Variants in NEK4 observed in about 807,000 individuals in gnomAD.
NEK4 encodes NIMA related kinase 4, also known as serine/threonine-protein kinase Nek4.
NEK4 carries 86 observed loss-of-function variants against 98.4 expected under a neutral mutation model. That is an observed-to-expected ratio of 0.87 (90% CI 0.73 to 1.05). The LOEUF is 1.05. Among genes scored for constraint, NEK4 ranks in the 50% least tolerant of loss-of-function variants. The probability of loss-of-function intolerance (pLI) is 0.00; values close to 1 mark genes in which losing one functional copy is unlikely to be tolerated. For synonymous variants in NEK4, 328 were observed against 342.2 expected (o/e 0.96, Z 0.46); for missense variants, 898 against 950.3 (o/e 0.94, Z 0.72).
chr3:52,766,482 G>T (rs562652257), intron 2 of NEK4, 107 bp from the exon 3 acceptor site: 2 of 747,972 alleles, frequency 2.7e-6, no homozygotes, highest in Admixed American at 2.4e-5. Flanking sequence ...GTCTTTGACC[G>T]TAAAGAGTAA....
chr3:52,755,973 T>C (rs1343524444), intron 6 of NEK4, among the ~76,000 whole-genome samples: 2 of 152,082 alleles, frequency 1.3e-5, no homozygotes, highest in Non-Finnish European at 2.9e-5. Flanking sequence ...AATTAGGAAT[T>C]AACCAAAAGG....
At position 52,710,402 on chromosome 3, in the gene NEK4, ACATTT is replaced by A. The variant is rs2097349237; in HGVS notation, c.*1370_*1374del. ...AAATTGTTAAGTGGCTGTAAAGGGAACATTTCATTAGAGTATTTGTGTGTGTGTGT... is the reference window on the plus strand; with the variant it reads ...AAATTGTTAAGTGGCTGTAAAGGGAACATTAGAGTATTTGTGTGTGTGTGT... On this transcript the variant is annotated 3_prime_UTR_variant, in exon 16 of 16. Coordinates refer to ENST00000233027, the MANE Select transcript of NEK4 (RefSeq NM_003157.6). 3 of 151,926 alleles carry A rather than the reference ACATTT, an allele frequency of 2.0e-5. No homozygotes were observed. Among genetic ancestry groups the A allele is most frequent in the African/African-American group, 7.2e-5 (3 of 41,414 alleles). The allele number at this position is 151,926 out of a possible 1,614,324, so 9.4% of individuals were successfully genotyped here. A position where few individuals can be genotyped will look rare whatever the true frequency, so the allele number is the denominator to read the frequency against.
At chr3:52,763,351 C>G in intron 5 of NEK4, 119 bp downstream of exon 5, 1 of 1,066,256 alleles carries the variant, frequency 9.4e-7, no homozygotes, top group Non-Finnish European at 1.4e-6. Context: ...TGTAATCATG[C>G]CATTTTATTT....
intron 13 of NEK4, among the ~76,000 whole-genome samples, chr3:52,740,291 A>C (rs2097383549): frequency 6.6e-6 from 1 of 152,206 alleles, no homozygotes. Flanking sequence ...TGGGTAGTAT[A>C]AATATCTTCC....
intron 6 of NEK4, among the ~76,000 whole-genome samples, chr3:52,757,829 G>C (rs1461221876): frequency 6.6e-6 from 1 of 152,128 alleles, no homozygotes; most frequent in Non-Finnish European, 1.5e-5. Context: ...GACAAATAAT[G>C]CAAGATCTCC....
At chr3:52,730,136 T>A (rs6767229) in intron 15 of NEK4, among the ~76,000 whole-genome samples, 6,021 of 152,050 alleles carry the variant, frequency 0.04, 404 homozygotes, top group African/African-American at 0.14. Flanking sequence ...AAAAAAGAAT[T>A]GTAAGAGAAC....
intron 15 of NEK4, among the ~76,000 whole-genome samples, chr3:52,713,719 G>A (rs772453880): frequency 6.7e-5 from 10 of 149,378 alleles, no homozygotes; most frequent in South Asian, 2.1e-4. Context: ...GCTTGAACCC[G>A]CGAGGCGGAG....
At chr3:52,767,862 G>A (rs1004478828) in intron 2 of NEK4, among the ~76,000 whole-genome samples, 1 of 152,084 alleles carries the variant, frequency 6.6e-6, no homozygotes, top group South Asian at 2.1e-4. Flanking sequence ...AAACTTGTAG[G>A]AACACTTATT....
At position 52,759,819 on chromosome 3, in the gene NEK4, G is replaced by GA. The variant is rs1282707357; in HGVS notation, c.963+975dup. Among the ~76,000 whole-genome samples the GA allele has an allele frequency of 5.9e-5, 9 of 152,248 alleles. 1 individual carries two copies. The South Asian group carries it at 1.7e-3, about 28-fold the overall frequency. ...ATGTTCATAGCAATAGCCAAAAGGT[G>GA]AAAAAAACCCAGATGTCTACTAATG... On this transcript the variant is annotated intron_variant, in intron 6 of 15. Coordinates refer to ENST00000233027, the MANE Select transcript of NEK4 (RefSeq NM_003157.6).
At chr3:52,762,043 CT>C (rs780713617) in intron 5 of NEK4, among the ~76,000 whole-genome samples, 3 of 152,224 alleles carry the variant, frequency 2.0e-5, no homozygotes, top group Non-Finnish European at 4.4e-5. Context: ...GATGGTTCTT[CT>C]TTATTCCCTG....
chr3:52,727,736 G>A (rs1022984754), intron 15 of NEK4, among the ~76,000 whole-genome samples: 1 of 152,212 alleles, frequency 6.6e-6, no homozygotes, highest in Admixed American at 6.5e-5. Context: ...CTCCCGAAGT[G>A]CTGGGATTAC....
chr3:52,732,145 T>C (rs2097370369), intron 15 of NEK4, among the ~76,000 whole-genome samples: 1 of 152,224 alleles, frequency 6.6e-6, no homozygotes, highest in Admixed American at 6.5e-5. Context: ...GACTAACACA[T>C]GCTGGGATTA....
At chr3:52,727,320 A>G (rs2097365496) in intron 15 of NEK4, among the ~76,000 whole-genome samples, 1 of 152,070 alleles carries the variant, frequency 6.6e-6, no homozygotes, top group Non-Finnish European at 1.5e-5. Context: ...ATTCTTCTCA[A>G]GTGCACATGG....
At chr3:52,769,045 C>A (rs1231031565) in intron 1 of NEK4, among the ~76,000 whole-genome samples, 1 of 151,864 alleles carries the variant, frequency 6.6e-6, no homozygotes, top group Admixed American at 6.6e-5. Context: ...CATGGTGAAA[C>A]CTGTCTCTAC....
intron 6 of NEK4, among the ~76,000 whole-genome samples, chr3:52,755,579 C>T (rs1483876097): frequency 6.6e-6 from 1 of 151,702 alleles, no homozygotes; most frequent in East Asian, 1.9e-4. Context: ...CCACAGTAAA[C>T]ATCACATTTA....
At position 52,711,071 on chromosome 3, in the gene NEK4, T is replaced by C. The variant is rs11235; in HGVS notation, c.*706A>G. 0.39 allele frequency: 59,913 copies of C among 152,464 alleles called. 12,688 individuals are homozygous for C. Among genetic ancestry groups the C allele is most frequent in the South Asian group, 0.66 (3,172 of 4,828 alleles). The allele number at this position is 152,464 out of a possible 1,614,324, so 9.4% of individuals were successfully genotyped here. On this transcript the variant is annotated 3_prime_UTR_variant, in exon 16 of 16. Coordinates refer to ENST00000233027, the MANE Select transcript of NEK4 (RefSeq NM_003157.6). ...TGCTTAAATGGAAATGAAATTTGTGTTTAAGAAATGTTTTCACTGATGGAA... is the reference window on the plus strand; with the variant it reads ...TGCTTAAATGGAAATGAAATTTGTGCTTAAGAAATGTTTTCACTGATGGAA...
intron 6 of NEK4, chr3:52,754,468 T>C (rs2097411152): frequency 1.5e-6 from 1 of 655,842 alleles, no homozygotes; most frequent in South Asian, 1.4e-5. Context: ...TGGTTGACAG[T>C]GTTAAGGTAT....
intron 15 of NEK4, among the ~76,000 whole-genome samples, chr3:52,721,501 G>C (rs1026817811): frequency 9.2e-5 from 14 of 152,156 alleles, no homozygotes; most frequent in Admixed American, 9.2e-4. Flanking sequence ...GCCAAGGCAG[G>C]AGAATTGCTT....
chr3:52,726,038 A>G (rs2097364198), intron 15 of NEK4, among the ~76,000 whole-genome samples: 1 of 152,186 alleles, frequency 6.6e-6, no homozygotes, highest in Non-Finnish European at 1.5e-5. Context: ...TTCCACATAA[A>G]TTGTAACCAA....
Sources: gnomAD v4.1 joint callset for allele counts (sites outside exome capture counted in the v4.1 genomes callset) on GRCh38, gnomAD v4.1.1 for gene constraint, MANE v1.5 for transcripts, NCBI Gene and HGNC (gene_info 2026-07-23, HGNC 2026-07-21) for gene names.